The following RBM23 variants were observed in gnomAD, a reference collection of about 807,000 sequenced individuals.
The protein encoded by RBM23 is RNA binding motif protein 23, also known as probable RNA-binding protein 23.
RBM23 carries 53 observed loss-of-function variants against 56.2 expected under a neutral mutation model. The observed-to-expected ratio is 0.94, with a 90% confidence interval of 0.76 to 1.19. The LOEUF (loss-of-function observed/expected upper bound fraction) is 1.19. Ranked by LOEUF, RBM23 falls within the 50% of genes most tolerant of loss-of-function variation. The pLI is 0.00. For missense variants in RBM23, 642 were observed against 590.3 expected (o/e 1.09, Z -0.91); for synonymous variants, 197 against 198.5 (o/e 0.99, Z 0.06).
At position 22,904,274 on chromosome 14, in the gene RBM23, T is replaced by C. The variant is rs1290211883; in HGVS notation, c.917A>G (p.Tyr306Cys). ...KDSDTGRSKG[Y>C]GFITFSDSEC... is the part of the protein sequence containing the mutation. Reference sequence around the variant, plus strand: ...CTAGAGACTCACCGTGATGAAACCATAACCTTTAGAGCGGCCTGTATCTGA... The same window carrying C: ...CTAGAGACTCACCGTGATGAAACCACAACCTTTAGAGCGGCCTGTATCTGA... Residue 306 changes from tyrosine to cysteine, a missense_variant, in exon 10 of 14, where the codon TAT becomes TGT. Coordinates refer to ENST00000359890, the MANE Select transcript of RBM23 (RefSeq NM_001077351.2). 1.2e-6 allele frequency: 2 copies of C among 1,613,718 alleles called. No individual in the cohort carries two copies. Among genetic ancestry groups the C allele is most frequent in the East Asian group, 2.2e-5 (1 of 44,896 alleles).
chr14:22,901,824 G>GA lies in RBM23; in HGVS notation c.1305_1306insT (p.Pro436SerfsTer40), dbSNP rs1270983076. The GA allele has an allele frequency of 1.2e-6, 2 of 1,614,214 alleles. No individual in the cohort carries two copies. Among genetic ancestry groups the GA allele is most frequent in the Admixed American group, 3.3e-5 (2 of 60,028 alleles). ...GACCCTGAGACTCACATGGTCTGGG[G>GA]GGTAAAGAGGCTGGAGAGCTGGAAA... On this transcript the variant is annotated frameshift_variant, in exon 13 of 14. Transcript: ENST00000359890. LOFTEE classifies it high-confidence loss of function.
Position 22,911,458 on chromosome 14 carries a change from C to T in RBM23, c.-10-55G>A. The T allele has an allele frequency of 2.1e-6, 3 of 1,396,396 alleles. No individual in the cohort carries two copies. In the South Asian group the frequency reaches 3.6e-5, roughly 17 times the overall value. 86.5% of individuals were successfully genotyped at this position (1,396,396 alleles called of 1,614,324 possible). A position where few individuals can be genotyped will look rare whatever the true frequency, so the allele number is the denominator to read the frequency against. ...CTGTTTTATATTTTTCCTCCCTTTC[C>T]AGCACCACACATTTCTTTCCCACTC... is the stretch of plus-strand genomic sequence containing the variant. On this transcript the variant is annotated intron_variant, in intron 1 of 13. Coordinates refer to ENST00000359890, the MANE Select transcript of RBM23 (RefSeq NM_001077351.2).
intron 3 of RBM23, 32 bp from the exon 4 acceptor site, chr14:22,908,412 T>A (rs1410693779): frequency 6.5e-7 from 1 of 1,540,270 alleles, no homozygotes; most frequent in Non-Finnish European, 8.7e-7. Context: ...TCTTTTTTTT[T>A]TTTTAATTTT....
chr14:22,902,756 C>CCTTTTTTTTTTTT lies in RBM23; in HGVS notation c.931-375_931-374insAAAAAAAAAAAAG, dbSNP rs1555336814. 20 of 432,480 alleles carry CCTTTTTTTTTTTT rather than the reference C, an allele frequency of 4.6e-5. 9 individuals carry two copies. The highest frequency in any genetic ancestry group is 3.2e-5 in the African/African-American group (1 of 31,410). 26.8% of individuals were successfully genotyped at this position (432,480 alleles called of 1,614,324 possible). A position where few individuals can be genotyped will look rare whatever the true frequency, so the allele number is the denominator to read the frequency against. On this transcript the variant is annotated intron_variant, in intron 10 of 13. Transcript: ENST00000359890. ...GTTCTCTATCCTAGTAAGTTTTAGT[C>CCTTTTTTTTTTTT]TTTTTTTTTTTTTTTTTTTTTTTTT...
Position 22,906,374 on chromosome 14 carries a change from G to A in RBM23, c.228-6C>T. ...GATCCCGATCTCGACTACGACTACA[G>A]AGGGAAACAACTACAGTCATGCCCA... is the stretch of plus-strand genomic sequence containing the variant. On this transcript the variant is annotated splice_region_variant and splice_polypyrimidine_tract_variant and intron_variant, in intron 4 of 13. Coordinates refer to ENST00000359890, the MANE Select transcript of RBM23 (RefSeq NM_001077351.2). The A allele has an allele frequency of 6.2e-7, 1 of 1,613,924 alleles. No homozygotes were observed. Among genetic ancestry groups the A allele is most frequent in the Non-Finnish European group, 8.5e-7 (1 of 1,179,876 alleles).
chr14:22,900,241 A>G lies in RBM23; in HGVS notation c.*1489T>C, dbSNP rs1328650016. ...CTTTGGATATTGGATTGGGATCGCT[A>G]CTACAAAGAGGGTCAAAGGCAGGTA... On this transcript the variant is annotated 3_prime_UTR_variant, in exon 14 of 14. Transcript: ENST00000359890. The G allele has an allele frequency of 6.6e-6, 1 of 152,178 alleles. No individual in the cohort carries two copies. Among genetic ancestry groups the G allele is most frequent in the African/African-American group, 2.4e-5 (1 of 41,398 alleles). The allele number at this position is 152,178 out of a possible 1,614,324, so 9.4% of individuals were successfully genotyped here.
Position 22,898,919 on chromosome 14 carries a change from TG to T in RBM23, c.*2810del, listed in dbSNP as rs1295981277. On this transcript the variant is annotated 3_prime_UTR_variant, in exon 14 of 14. Coordinates refer to ENST00000359890, the MANE Select transcript of RBM23 (RefSeq NM_001077351.2). ...GCCAAATCAATAACTGTAGGGGTGC[TG>T]GGTCATAGCCAGCAGCTTCTACCTA... 1 of 152,164 alleles carries T rather than the reference TG, an allele frequency of 6.6e-6. No homozygotes were observed. The highest frequency in any genetic ancestry group is 2.4e-5 in the African/African-American group (1 of 41,426). 9.4% of individuals were successfully genotyped at this position (152,164 alleles called of 1,614,324 possible). A position where few individuals can be genotyped will look rare whatever the true frequency, so the allele number is the denominator to read the frequency against.
Position 22,902,046 on chromosome 14 carries a change from G to GGGC in RBM23, c.1177_1179dup (p.Ala393dup), listed in dbSNP as rs61680322. On this transcript the variant is annotated inframe_insertion, in exon 12 of 14. Transcript: ENST00000359890. ...CCATTCAGTTGCAAGGCAGCAGCCT[G>GGGC]GGCGGCGGCGGCAGCAGCAGCAGCA... is the stretch of plus-strand genomic sequence containing the variant. 853,782 of 1,545,604 alleles carry GGGC rather than the reference G, an allele frequency of 0.55. 230,878 individuals are homozygous for GGGC. Among genetic ancestry groups the GGGC allele is most frequent in the East Asian group, 0.76 (31,660 of 41,512 alleles).
rs960989893 is a variant in RBM23 at position 22,909,668 on chromosome 14, C to A, written c.67-73G>T. 5.5e-6 allele frequency: 6 copies of A among 1,097,098 alleles called. No homozygotes were observed. In the Admixed American group the frequency reaches 7.0e-5, roughly 13 times the overall value. The allele number at this position is 1,097,098 out of a possible 1,614,324, so 68.0% of individuals were successfully genotyped here. ...CACAGATTCCAATGGGCAAAGGGAA[C>A]AAAGGTGGACAAGGAATAAATCAAA... is the stretch of plus-strand genomic sequence containing the variant. On this transcript the variant is annotated intron_variant, in intron 2 of 13. Transcript: ENST00000359890.
At chr14:22,915,572 G>A (rs577759901) in intron 1 of RBM23, among the ~76,000 whole-genome samples, 10 of 126,786 alleles carry the variant, frequency 7.9e-5, no homozygotes, top group African/African-American at 1.5e-4. Context: ...CTCAGTTCAC[G>A]CCAACCTCTG....
intron 1 of RBM23, among the ~76,000 whole-genome samples, chr14:22,916,770 A>C (rs532652264): frequency 3.3e-5 from 5 of 152,172 alleles, no homozygotes; most frequent in Non-Finnish European, 7.4e-5. Flanking sequence ...CCATTAGCTA[A>C]ACCTCATTGT....
rs570903807 is a variant in RBM23 at position 22,897,636 on chromosome 14, A to C, written c.*4094T>G. The stretch of plus-strand genomic sequence containing the variant: ...ACAAACACTGTCACTCAAGATAAGC[A>C]AAGACATGGCAGTGGAAAAATTCTG... On this transcript the variant is annotated 3_prime_UTR_variant, in exon 14 of 14. Transcript: ENST00000359890. 6.6e-5 allele frequency: 10 copies of C among 152,372 alleles called. No homozygotes were observed. The highest frequency in any genetic ancestry group is 2.1e-4 in the South Asian group (1 of 4,830). 9.4% of individuals were successfully genotyped at this position (152,372 alleles called of 1,614,324 possible). A position where few individuals can be genotyped will look rare whatever the true frequency, so the allele number is the denominator to read the frequency against.
intron 6 of RBM23, 62 bp from the exon 7 acceptor site, chr14:22,905,515 C>A: frequency 1.9e-6 from 3 of 1,598,448 alleles, no homozygotes; most frequent in Non-Finnish European, 2.6e-6. Context: ...CTCCAGCTAA[C>A]CCTCAAGTAT....
In RBM23 at chr14:22,901,823, G is replaced by A. The variant is rs566684640; in HGVS notation, c.1307C>T (p.Pro436Leu). ...QCFQLSSLFT[P>L]QTM The stretch of plus-strand genomic sequence containing the variant: ...AGACCCTGAGACTCACATGGTCTGG[G>A]GGGTAAAGAGGCTGGAGAGCTGGAA... The change falls in exon 13 of 14, where the codon CCC becomes CTC. Residue 436 changes from proline (P) to leucine (L), a missense_variant. Coordinates refer to ENST00000359890, the MANE Select transcript of RBM23 (RefSeq NM_001077351.2). The A allele has an allele frequency of 3.1e-6, 5 of 1,614,188 alleles. No homozygotes were observed. The highest frequency in any genetic ancestry group is 1.7e-5 in the Admixed American group (1 of 60,022).
At position 22,905,344 on chromosome 14, in the gene RBM23, C is replaced by T; in HGVS notation, c.565G>A (p.Val189Ile). 6.2e-7 allele frequency: 1 copy of T among 1,614,098 alleles called. No homozygotes were observed. The highest frequency in any genetic ancestry group is 8.5e-7 in the Non-Finnish European group (1 of 1,180,028). Residue 189 changes from valine (V) to isoleucine (I), a missense_variant, in exon 7 of 14, where the codon GTA becomes ATA. By Grantham distance (29) the Val-to-Ile change is conservative. Coordinates refer to ENST00000359890, the MANE Select transcript of RBM23 (RefSeq NM_001077351.2). ...TAAGGTGGGAGGGTTACCTTGCCTA[C>T]AGCAGAGAAAAAGTCCTCCAGATCT... is the stretch of plus-strand genomic sequence containing the variant. ...PRDLEDFFSA[V>I]GKVRDVRIIS...
chr14:22,908,558 A>G lies in RBM23; in HGVS notation c.180-178T>C, dbSNP rs1332642139. ...CAGGCATGTACCATCATGCCCAGCT[A>G]ATTTTTTATATTTTTAGTAGAGACA... On this transcript the variant is annotated intron_variant, in intron 3 of 13. Coordinates refer to ENST00000359890, the MANE Select transcript of RBM23 (RefSeq NM_001077351.2). 1.0e-5 allele frequency: 6 copies of G among 575,748 alleles called. 1 individual carries two copies. The highest frequency in any genetic ancestry group is 7.0e-5 in the South Asian group (3 of 42,858). The allele number at this position is 575,748 out of a possible 1,614,324, so 35.7% of individuals were successfully genotyped here. A position where few individuals can be genotyped will look rare whatever the true frequency, so the allele number is the denominator to read the frequency against.
At position 22,905,124 on chromosome 14, in the gene RBM23, C is replaced by T; in HGVS notation, c.696G>A (p.Leu232=). The change falls in exon 8 of 14, where the codon CTG becomes CTA. Residue 232 remains leucine, a synonymous_variant. Coordinates refer to ENST00000359890, the MANE Select transcript of RBM23 (RefSeq NM_001077351.2). The part of the protein sequence containing the change: ...LAIGLTGQRL[L]GVPIIVQASQ... ...AAGCCTGTACAATGATAGGCACTCC[C>T]AGCAACCGCTGCCCAGTCAGCCCAA... The T allele has an allele frequency of 1.2e-6, 2 of 1,614,140 alleles. No individual in the cohort carries two copies. The highest frequency in any genetic ancestry group is 1.1e-5 in the South Asian group (1 of 91,082).
intron 12 of RBM23, 25 bp from the exon 13 acceptor site, chr14:22,901,908 G>T (rs1377730081): frequency 2.5e-6 from 4 of 1,614,068 alleles, no homozygotes; most frequent in Non-Finnish European, 3.4e-6. Flanking sequence ...GGCAGAGTGA[G>T]TGAGCAAGCA....
chr14:22,906,420 CCAAG>C (rs758018971), intron 4 of RBM23, 52 bp from the exon 5 acceptor site: 123 of 1,594,838 alleles, frequency 7.7e-5, no homozygotes, highest in Admixed American at 1.2e-4. Flanking sequence ...AGGCCAACAA[CCAAG>C]TGCATATACA....
Sources: allele counts gnomAD v4.1 joint callset (sites outside exome capture counted in the v4.1 genomes callset), GRCh38; gene constraint gnomAD v4.1.1; transcripts MANE v1.5; gene names NCBI Gene and HGNC (gene_info 2026-07-23, HGNC 2026-07-21).